Variants in CACNA1A observed in about 807,000 individuals in gnomAD.
CACNA1A encodes voltage-dependent P/Q-type calcium channel subunit alpha-1A.
CACNA1A carries 57 observed loss-of-function variants against 262.4 expected under a neutral mutation model. The ratio of observed to expected loss-of-function variants is 0.22; its 90% confidence interval spans 0.18 to 0.27. CACNA1A has a LOEUF of 0.27. Among genes scored for constraint, CACNA1A ranks in the 10% least tolerant of loss-of-function variants. The pLI is 1.00. For missense variants in CACNA1A, 2,526 were observed against 3,562.8 expected (o/e 0.71, Z 7.41); for synonymous variants, 1,431 against 1,419.3 (o/e 1.01, Z -0.18).
chr19:13,333,055 A>G lies in CACNA1A; in HGVS notation c.1199-130T>C, dbSNP rs1325925115. On this transcript the variant is annotated intron_variant, in intron 8 of 46. Transcript: ENST00000360228. ...ATGGTGACAGCTCAACCGACCAAAA[A>G]ACATGCTGCTGGGTGGTTTGTGACT... 4 of 647,764 alleles carry G rather than the reference A, an allele frequency of 6.2e-6. No homozygotes were observed. The African/African-American group carries it at 7.1e-5, about 12-fold the overall frequency. 40.1% of individuals were successfully genotyped at this position (647,764 alleles called of 1,614,324 possible).
intron 1 of CACNA1A, among the ~76,000 whole-genome samples, chr19:13,481,798 G>A (rs1197752261): frequency 2.0e-5 from 3 of 152,064 alleles, no homozygotes; most frequent in Non-Finnish European, 4.4e-5. Context: ...CTGAGGGACC[G>A]TTTCTAGGTT....
Position 13,218,923 on chromosome 19 carries a change from G to A in CACNA1A, c.5732-4315C>T, listed in dbSNP as rs569409631. 1.2e-4 allele frequency among the ~76,000 whole-genome samples: 18 copies of A among 152,212 alleles called. No homozygotes were observed. The South Asian group carries it at 2.3e-3, about 19-fold the overall frequency. On this transcript the variant is annotated intron_variant, in intron 38 of 46. Transcript: ENST00000360228. ...TAATTTTTGTATTTTTGGTAGAGAC[G>A]GGGTTTCGCCATGTTGGCCAGGCTG... is the stretch of plus-strand genomic sequence containing the variant.
At chr19:13,369,544 A>G (rs2059281277) in intron 4 of CACNA1A, among the ~76,000 whole-genome samples, 2 of 152,198 alleles carry the variant, frequency 1.3e-5, no homozygotes, top group South Asian at 4.1e-4. Context: ...CAGCTTCTCC[A>G]TCTGTAAATG....
chr19:13,448,332 C>T (rs1300289655), intron 3 of CACNA1A, among the ~76,000 whole-genome samples: 7 of 151,992 alleles, frequency 4.6e-5, no homozygotes, highest in Non-Finnish European at 7.4e-5. Context: ...GTGAACAACA[C>T]GCACTGGGGC....
intron 3 of CACNA1A, among the ~76,000 whole-genome samples, chr19:13,372,869 T>G (rs1284450117): frequency 6.6e-6 from 1 of 152,092 alleles, no homozygotes; most frequent in Non-Finnish European, 1.5e-5. Flanking sequence ...TGCAAGTTAG[T>G]AAGGATGATA....
intron 1 of CACNA1A, among the ~76,000 whole-genome samples, chr19:13,486,621 A>T (rs1980028729): frequency 6.6e-6 from 1 of 152,164 alleles, no homozygotes; most frequent in Non-Finnish European, 1.5e-5. Flanking sequence ...AAAAAGAAAA[A>T]AATAATAAGA....
intron 1 of CACNA1A, among the ~76,000 whole-genome samples, chr19:13,481,536 T>C (rs1027636480): frequency 9.3e-5 from 10 of 107,910 alleles, no homozygotes; most frequent in African/African-American, 3.2e-4. Flanking sequence ...AAGAAGTGGG[T>C]GGGGCGGGGA....
At chr19:13,373,619 C>G (rs960408366) in intron 3 of CACNA1A, among the ~76,000 whole-genome samples, 7 of 152,182 alleles carry the variant, frequency 4.6e-5, no homozygotes, top group Non-Finnish European at 8.8e-5. Context: ...CTCTCCTTCT[C>G]CAACCCTTCT....
chr19:13,446,858 G>A (rs1357277210), intron 3 of CACNA1A, among the ~76,000 whole-genome samples: 1 of 151,796 alleles, frequency 6.6e-6, no homozygotes, highest in Non-Finnish European at 1.5e-5. Context: ...CCAGTAGCTG[G>A]AATTCCAGGT....
chr19:13,446,434 T>C (rs2060814414), intron 3 of CACNA1A, among the ~76,000 whole-genome samples: 1 of 136,892 alleles, frequency 7.3e-6, no homozygotes, highest in Non-Finnish European at 1.5e-5. Context: ...CGCGCGTGTT[T>C]TTTCTTTCTT....
chr19:13,434,934 C>T (rs535597156), intron 3 of CACNA1A, among the ~76,000 whole-genome samples: 42 of 151,566 alleles, frequency 2.8e-4, no homozygotes, highest in African/African-American at 9.2e-4. Context: ...GGACCACAGG[C>T]GCGTGCCACC....
At chr19:13,223,857 A>C (rs994436768) in intron 38 of CACNA1A, among the ~76,000 whole-genome samples, 6 of 152,080 alleles carry the variant, frequency 3.9e-5, no homozygotes, top group African/African-American at 1.4e-4. Context: ...GGCACATTGA[A>C]GGAGTGCACT....
intron 3 of CACNA1A, among the ~76,000 whole-genome samples, chr19:13,382,446 T>C (rs576949532): frequency 6.6e-6 from 1 of 152,050 alleles, no homozygotes; most frequent in Admixed American, 6.6e-5. Flanking sequence ...AAGAAGGAAT[T>C]AGGAGGAGAA....
chr19:13,382,719 C>G (rs2059544921), intron 3 of CACNA1A, among the ~76,000 whole-genome samples: 1 of 152,102 alleles, frequency 6.6e-6, no homozygotes, highest in African/African-American at 2.4e-5. Flanking sequence ...GAGGGAGCCG[C>G]AAGAGCAGGC....
intron 1 of CACNA1A, among the ~76,000 whole-genome samples, chr19:13,460,419 C>A (rs1271425734): frequency 6.6e-6 from 1 of 152,158 alleles, no homozygotes; most frequent in Non-Finnish European, 1.5e-5. Flanking sequence ...CCCTGGGTAC[C>A]AGCCTTCTGC....
rs185159640 is a variant in CACNA1A at position 13,477,021 on chromosome 19, C to G, written c.294-21809G>C. ...AAAAGCCAAAGTCCTCCCCGCAGCC[C>G]ATAAGGCCCTCCAAAACCTGTCCCG... is the stretch of plus-strand genomic sequence containing the variant. On this transcript the variant is annotated intron_variant, in intron 1 of 46. Transcript: ENST00000360228. Among the ~76,000 whole-genome samples the G allele has an allele frequency of 4.1e-3, 620 of 152,306 alleles. 3 individuals are homozygous for G. Among genetic ancestry groups the G allele is most frequent in the African/African-American group, 0.014 (588 of 41,564 alleles).
chr19:13,218,440 C>T (rs1309529310), intron 38 of CACNA1A, among the ~76,000 whole-genome samples: 2 of 152,198 alleles, frequency 1.3e-5, no homozygotes, highest in East Asian at 1.9e-4. Context: ...TGGCAGTACA[C>T]GGTGCGTGTT....
intron 38 of CACNA1A, among the ~76,000 whole-genome samples, chr19:13,220,249 G>A (rs1381738374): frequency 8.4e-6 from 1 of 119,172 alleles, no homozygotes; most frequent in Non-Finnish European, 1.7e-5. Flanking sequence ...CAACAAGAGT[G>A]AAATTCTGTC....
chr19:13,338,088 A>T (rs556526859), intron 6 of CACNA1A, among the ~76,000 whole-genome samples: 101 of 152,118 alleles, frequency 6.6e-4, no homozygotes, highest in Non-Finnish European at 8.4e-4. Flanking sequence ...GGGCCTGGTG[A>T]CGGGCGCCTG....
Sources: allele counts gnomAD v4.1 joint callset (sites outside exome capture counted in the v4.1 genomes callset), GRCh38; gene constraint gnomAD v4.1.1; transcripts MANE v1.5; gene names NCBI Gene and HGNC (gene_info 2026-07-23, HGNC 2026-07-21).